The following DLGAP2 variants were observed in gnomAD, a reference collection of about 807,000 sequenced individuals.
DLGAP2 encodes disks large-associated protein 2.
A neutral mutation model predicts 100.3 loss-of-function variants in DLGAP2; 26 were observed. The observed-to-expected ratio is 0.26, with a 90% CI of 0.19 to 0.36. The LOEUF (loss-of-function observed/expected upper bound fraction) is 0.36. Among genes scored for constraint, DLGAP2 ranks in the 10% least tolerant of loss-of-function variants. DLGAP2 has a pLI of 1.00. For missense variants in DLGAP2, 1,858 were observed against 1,453.2 expected, an observed-to-expected ratio of 1.28 and a Z score of -4.53; for synonymous variants, 886 against 630.1, an observed-to-expected ratio of 1.41 and a Z score of -6.08.
chr8:1,043,172 T>G (rs1012969653), intron 2 of DLGAP2, among the ~76,000 whole-genome samples: 2 of 84,392 alleles, frequency 2.4e-5, no homozygotes, highest in African/African-American at 4.5e-5. Flanking sequence ...ACGTGGGTGG[T>G]GGGTGTGGGT....
chr8:1,339,448 C>T (rs753208687), intron 3 of DLGAP2, among the ~76,000 whole-genome samples: 9 of 152,148 alleles, frequency 5.9e-5, no homozygotes, highest in South Asian at 2.1e-4. Flanking sequence ...GGGACAGCCT[C>T]GGGAGCCTGG....
intron 3 of DLGAP2, among the ~76,000 whole-genome samples, chr8:1,372,916 G>T (rs1802280717): frequency 6.6e-6 from 1 of 152,258 alleles, no homozygotes; most frequent in Admixed American, 6.5e-5. Context: ...AGATCCGTAC[G>T]GGGCACTCTG....
Position 1,668,610 on chromosome 8 carries a change from G to A in DLGAP2, c.2092G>A (p.Asp698Asn), listed in dbSNP as rs377476569. Residue 698 changes from aspartate (D) to asparagine (N), a missense_variant, in exon 9 of 15, where the codon GAC becomes AAC. Asp to Asn is a conservative substitution (Grantham distance 23). Transcript: ENST00000637795. ...ESQSSSVRTSDKAILVSKAEE... is the reference protein window; with the variant it reads ...ESQSSSVRTSNKAILVSKAEE... Reference sequence around the variant, plus strand: ...CCAGAGCAGCTCTGTGCGGACCAGCGACAAGGCCATCCTGGTGTCCAAGGC... The same window carrying A: ...CCAGAGCAGCTCTGTGCGGACCAGCAACAAGGCCATCCTGGTGTCCAAGGC... The A allele has an allele frequency of 5.0e-4, 808 of 1,600,484 alleles. 3 individuals carry two copies. In the South Asian group the frequency reaches 6.2e-3, roughly 12 times the overall value.
chr8:1,342,257 G>A (rs1801434649), intron 3 of DLGAP2, among the ~76,000 whole-genome samples: 1 of 152,142 alleles, frequency 6.6e-6, no homozygotes, highest in Non-Finnish European at 1.5e-5. Context: ...AGGTTGTGAG[G>A]TTTTAAGTGA....
In DLGAP2 at chr8:1,624,240, G is replaced by A. The variant is rs895663285; in HGVS notation, c.1443-2500G>A. 3.9e-5 allele frequency among the ~76,000 whole-genome samples: 6 copies of A among 152,268 alleles called. No individual in the cohort carries two copies. The Middle Eastern group carries it at 0.01, about 259-fold the overall frequency. On this transcript the variant is annotated intron_variant, in intron 6 of 14. Coordinates refer to ENST00000637795, the MANE Select transcript of DLGAP2 (RefSeq NM_001346810.2). ...AAATTGGTAATTGGTAGAAAGTGCC[G>A]ATTGGTAGAAATGGAGGGTATGAAA...
chr8:1,446,248 G>C (rs1450073913), intron 3 of DLGAP2, among the ~76,000 whole-genome samples: 28 of 151,182 alleles, frequency 1.9e-4, no homozygotes, highest in African/African-American at 4.4e-4. Flanking sequence ...GTCTTTAATC[G>C]ATCTTGAATT....
At chr8:753,606 G>A (rs941030657) in intron 1 of DLGAP2, 2 of 152,452 alleles carry the variant, frequency 1.3e-5, no homozygotes, top group African/African-American at 4.8e-5. Context: ...GCCACAGACG[G>A]TGGATGGAGA....
chr8:839,410 A>G (rs1796940703), intron 1 of DLGAP2, among the ~76,000 whole-genome samples: 1 of 152,256 alleles, frequency 6.6e-6, no homozygotes. Context: ...TTAAAAAGAC[A>G]AAGACATTTC....
At chr8:1,567,102 G>A (rs893996119) in intron 6 of DLGAP2, among the ~76,000 whole-genome samples, 2 of 152,196 alleles carry the variant, frequency 1.3e-5, no homozygotes, top group Non-Finnish European at 1.5e-5. Flanking sequence ...GGGAGCAGGT[G>A]TTTGTAAGCC....
chr8:862,412 C>G (rs1157934042), intron 1 of DLGAP2, among the ~76,000 whole-genome samples: 1 of 151,914 alleles, frequency 6.6e-6, no homozygotes, highest in African/African-American at 2.4e-5. Flanking sequence ...ATGCCATTCT[C>G]CTGCCTCAGC....
At chr8:950,143 G>A (rs1172332045) in intron 2 of DLGAP2, among the ~76,000 whole-genome samples, 1 of 152,134 alleles carries the variant, frequency 6.6e-6, no homozygotes, top group African/African-American at 2.4e-5. Context: ...ACCTGGAACG[G>A]GAGAGTCCAA....
At chr8:1,496,958 GT>G (rs1204384645) in intron 3 of DLGAP2, among the ~76,000 whole-genome samples, 3 of 152,018 alleles carry the variant, frequency 2.0e-5, no homozygotes, top group Non-Finnish European at 2.9e-5. Context: ...GTGGAGTATG[GT>G]TTACATGGTC....
chr8:1,036,460 G>A (rs925487745), intron 2 of DLGAP2, among the ~76,000 whole-genome samples: 1 of 152,252 alleles, frequency 6.6e-6, no homozygotes, highest in Non-Finnish European at 1.5e-5. Context: ...GGGTGTGGGT[G>A]GCAGCTGTCA....
intron 3 of DLGAP2, among the ~76,000 whole-genome samples, chr8:1,370,830 G>A (rs776542228): frequency 3.9e-5 from 6 of 152,160 alleles, no homozygotes; most frequent in African/African-American, 7.2e-5. Context: ...TCATTAAATT[G>A]GGCATAAAAG....
intron 2 of DLGAP2, among the ~76,000 whole-genome samples, chr8:1,163,182 G>A (rs979265897): frequency 6.6e-6 from 1 of 152,210 alleles, no homozygotes; most frequent in African/African-American, 2.4e-5. Context: ...GCCAGTACCG[G>A]AGGCCACTGA....
intron 3 of DLGAP2, among the ~76,000 whole-genome samples, chr8:1,495,468 A>C (rs948219599): frequency 6.6e-6 from 1 of 152,210 alleles, no homozygotes. Context: ...GCCGAGGCCA[A>C]GAGTGGCGCT....
rs548770204 is a variant in DLGAP2, at chr8:1,501,478, C to T, written c.172+47C>T. 213 of 1,521,860 alleles carry T rather than the reference C, an allele frequency of 1.4e-4. 1 individual carries two copies. The highest frequency in any genetic ancestry group is 1.3e-3 in the Middle Eastern group (7 of 5,364). 94.3% of individuals were successfully genotyped at this position (1,521,860 alleles called of 1,614,324 possible). ...CGCTCTGGCGGGGCCCGGACAGAAC[C>T]GGGCATGCTCCGGGCACCTCCCATC... On this transcript the variant is annotated intron_variant, in intron 4 of 14. Coordinates refer to ENST00000637795, the MANE Select transcript of DLGAP2 (RefSeq NM_001346810.2).
rs1800711259 is a variant in DLGAP2 at position 1,315,361 on chromosome 8, A to ATGTGAG, written c.106+56480_106+56481insTGAGTG. On this transcript the variant is annotated intron_variant, in intron 3 of 14. Coordinates refer to ENST00000637795, the MANE Select transcript of DLGAP2 (RefSeq NM_001346810.2). ...TCGGCAGCGTTTAAAAATAGAGCCTATGCGAGTGCAGCGTCTCTCCAACAG... is the reference window on the plus strand; with the variant it reads ...TCGGCAGCGTTTAAAAATAGAGCCTATGTGAGTGCGAGTGCAGCGTCTCTCCAACAG... 6.0e-5 allele frequency among the ~76,000 whole-genome samples: 3 copies of ATGTGAG among 50,158 alleles called. 1 individual carries two copies. Among genetic ancestry groups the ATGTGAG allele is most frequent in the African/African-American group, 3.2e-4 (3 of 9,380 alleles). The allele number at this position is 50,158 out of a possible 152,430, so 32.9% of individuals were successfully genotyped here.
chr8:976,790 GA>G, intron 2 of DLGAP2, among the ~76,000 whole-genome samples: 1 of 152,150 alleles, frequency 6.6e-6, no homozygotes, highest in South Asian at 2.1e-4. Flanking sequence ...AAACATAACT[GA>G]AAATAGATTT....
Sources: allele counts gnomAD v4.1 joint callset (sites outside exome capture counted in the v4.1 genomes callset), GRCh38; gene constraint gnomAD v4.1.1; transcripts MANE v1.5; gene names NCBI Gene and HGNC (gene_info 2026-07-23, HGNC 2026-07-21).